Variants in CRACD observed in about 807,000 individuals in gnomAD.
The protein encoded by CRACD is capping protein inhibiting regulator of actin dynamics.
Under a neutral mutation model 106.8 loss-of-function variants are expected in CRACD, and 56 were observed. The ratio of observed to expected loss-of-function variants is 0.52; its 90% CI spans 0.42 to 0.66. CRACD has a LOEUF of 0.66. Among genes scored for constraint, CRACD ranks in the 30% least tolerant of loss-of-function variants. The pLI is 0.00. For synonymous variants in CRACD, 754 were observed against 670.8 expected (o/e 1.12, Z -1.92); for missense variants, 1,730 against 1,623.2 (o/e 1.07, Z -1.13).
intron 2 of CRACD, among the ~76,000 whole-genome samples, chr4:56,260,469 T>C (rs1032353251): frequency 1.3e-5 from 2 of 152,232 alleles, no homozygotes; most frequent in Non-Finnish European, 2.9e-5. Flanking sequence ...AGATGCCAAG[T>C]TGACAAAGGG....
At chr4:56,179,713 T>C (rs1736732919) in intron 2 of CRACD, among the ~76,000 whole-genome samples, 1 of 152,152 alleles carries the variant, frequency 6.6e-6, no homozygotes, top group East Asian at 1.9e-4. Flanking sequence ...GGAGAGGACA[T>C]GTAATACAAA....
At chr4:56,298,805 C>A (rs1007386440) in intron 4 of CRACD, among the ~76,000 whole-genome samples, 42 of 152,074 alleles carry the variant, frequency 2.8e-4, no homozygotes, top group African/African-American at 7.0e-4. Context: ...TGGTGGCACA[C>A]ACCTGTAATC....
At chr4:56,266,507 A>T (rs1742028623) in intron 2 of CRACD, among the ~76,000 whole-genome samples, 1 of 152,224 alleles carries the variant, frequency 6.6e-6, no homozygotes, top group South Asian at 2.1e-4. Flanking sequence ...AAAGTCTAAA[A>T]TGCCATCTTA....
chr4:56,098,956 G>A (rs980673033), intron 1 of CRACD, among the ~76,000 whole-genome samples: 2 of 152,178 alleles, frequency 1.3e-5, no homozygotes, highest in African/African-American at 4.8e-5. Context: ...TGGGATTACA[G>A]GTGTGAGCCA....
chr4:56,216,341 C>A (rs1010351447), intron 2 of CRACD: 1 of 152,140 alleles, frequency 6.6e-6, no homozygotes, highest in South Asian at 2.1e-4. Flanking sequence ...GTATGTCTGG[C>A]CTTGTAAATA....
intron 1 of CRACD, among the ~76,000 whole-genome samples, chr4:56,067,584 T>C (rs1732503559): frequency 6.6e-6 from 1 of 151,970 alleles, no homozygotes; most frequent in African/African-American, 2.4e-5. Flanking sequence ...TCCCCTTCAT[T>C]TTTTATTTAT....
chr4:56,145,092 T>C (rs1002346553), intron 1 of CRACD, among the ~76,000 whole-genome samples: 7 of 152,302 alleles, frequency 4.6e-5, no homozygotes, highest in Admixed American at 2.6e-4. Context: ...CTGGCCACCA[T>C]TTTTTGTATA....
intron 2 of CRACD, among the ~76,000 whole-genome samples, chr4:56,270,139 A>T (rs2109641530): frequency 6.6e-6 from 1 of 152,124 alleles, no homozygotes; most frequent in South Asian, 2.1e-4. Flanking sequence ...ATTGGTTATT[A>T]TTCTGTCTGC....
intron 2 of CRACD, among the ~76,000 whole-genome samples, chr4:56,227,617 A>T (rs1382259575): frequency 6.6e-6 from 1 of 152,202 alleles, no homozygotes; most frequent in Non-Finnish European, 1.5e-5. Flanking sequence ...TACGGGCCAC[A>T]TAGACCGGCT....
intron 4 of CRACD, among the ~76,000 whole-genome samples, chr4:56,306,775 C>T (rs74597932): frequency 0.038 from 5,862 of 152,272 alleles, 156 homozygotes; most frequent in East Asian, 0.087. Context: ...CCCTGTCCTT[C>T]TAGCCACCAC....
intron 1 of CRACD, among the ~76,000 whole-genome samples, chr4:56,155,656 A>G (rs1735742404): frequency 6.6e-6 from 1 of 152,224 alleles, no homozygotes; most frequent in African/African-American, 2.4e-5. Flanking sequence ...TACGCTGTCT[A>G]GCTCCTGGGC....
intron 1 of CRACD, among the ~76,000 whole-genome samples, chr4:56,164,647 G>A (rs943946444): frequency 5.3e-5 from 8 of 152,134 alleles, no homozygotes; most frequent in African/African-American, 1.2e-4. Flanking sequence ...GGTACCAGAG[G>A]TTGGGGACGG....
intron 1 of CRACD, among the ~76,000 whole-genome samples, chr4:56,144,202 G>C (rs9997664): frequency 0.092 from 13,940 of 152,200 alleles, 1,634 homozygotes; most frequent in East Asian, 0.42. Flanking sequence ...AGTGGAGAAG[G>C]GGGGAGAGTT....
At chr4:56,071,482 G>T (rs1048503292) in intron 1 of CRACD, among the ~76,000 whole-genome samples, 5 of 150,746 alleles carry the variant, frequency 3.3e-5, no homozygotes, top group Non-Finnish European at 7.4e-5. Context: ...ATTGCTGTTA[G>T]CACAGGTTGT....
intron 2 of CRACD, among the ~76,000 whole-genome samples, chr4:56,236,853 A>T (rs568577719): frequency 2.0e-5 from 3 of 152,318 alleles, no homozygotes; most frequent in Admixed American, 2.0e-4. Context: ...TAAATATGTT[A>T]AAAATGCATA....
intron 2 of CRACD, among the ~76,000 whole-genome samples, chr4:56,179,838 T>C (rs1204243662): frequency 6.6e-6 from 1 of 151,916 alleles, no homozygotes; most frequent in Non-Finnish European, 1.5e-5. Flanking sequence ...GCTGACATGC[T>C]GAAACCCATC....
At chr4:56,199,899 G>A (rs1232868255) in intron 2 of CRACD, among the ~76,000 whole-genome samples, 2 of 151,848 alleles carry the variant, frequency 1.3e-5, no homozygotes, top group African/African-American at 4.8e-5. Context: ...CCCAAGCTGG[G>A]AATAGTGTCT....
Position 56,270,921 on chromosome 4 carries a change from A to AACACAC in CRACD, c.-188-1374_-188-1369dup, listed in dbSNP as rs35109908. 2.9e-3 allele frequency among the ~76,000 whole-genome samples: 422 copies of AACACAC among 145,718 alleles called. 1 individual carries two copies. Among genetic ancestry groups the AACACAC allele is most frequent in the African/African-American group, 8.0e-3 (313 of 39,232 alleles). On this transcript the variant is annotated intron_variant, in intron 2 of 10. Transcript: ENST00000682029. ...ACATGGTGAAGCACCGTCTCTACTA[A>AACACAC]ACACACACACACACACACACACACA...
chr4:56,164,051 T>G (rs949033907), intron 1 of CRACD, among the ~76,000 whole-genome samples: 1 of 150,624 alleles, frequency 6.6e-6, no homozygotes, highest in East Asian at 2.0e-4. Context: ...GACCTTTGTA[T>G]CTAATGGGCA....
Sources: gnomAD v4.1 joint callset for allele counts (sites outside exome capture counted in the v4.1 genomes callset) on GRCh38, gnomAD v4.1.1 for gene constraint, MANE v1.5 for transcripts, NCBI Gene and HGNC (gene_info 2026-07-23, HGNC 2026-07-21) for gene names.